RBMS3: variants seen among roughly 807,000 people sequenced by gnomAD.
RBMS3 encodes the protein RNA-binding motif, single-stranded-interacting protein 3.
In RBMS3, 27 loss-of-function variants were observed where a neutral mutation model predicts 66.8. The ratio of observed to expected loss-of-function variants is 0.40; its 90% confidence interval spans 0.30 to 0.56. The LOEUF (loss-of-function observed/expected upper bound fraction) is 0.56, where lower values mean the gene tolerates loss of function less well. Ranked by LOEUF, RBMS3 falls within the 20% of genes least tolerant of loss-of-function variation. The probability of loss-of-function intolerance (pLI) is 0.40; values close to 1 mark genes in which losing one functional copy is unlikely to be tolerated. For synonymous variants in RBMS3, 188 were observed against 183.0 expected (o/e 1.03, Z -0.22); for missense variants, 513 against 549.5 (o/e 0.93, Z 0.66).
chr3:29,969,143 T>C (rs761813107), intron 12 of RBMS3, among the ~76,000 whole-genome samples: 4 of 152,226 alleles, frequency 2.6e-5, no homozygotes, highest in African/African-American at 9.6e-5. Context: ...GAAGGTTCTA[T>C]TGGCAACTGA....
chr3:29,928,020 G>A (rs2060986504), intron 10 of RBMS3, among the ~76,000 whole-genome samples: 1 of 151,798 alleles, frequency 6.6e-6, no homozygotes. Flanking sequence ...AATAGCCATT[G>A]ACTTAACAGT....
chr3:29,407,369 G>T (rs1450208267), intron 1 of RBMS3, among the ~76,000 whole-genome samples: 2 of 152,120 alleles, frequency 1.3e-5, no homozygotes, highest in Non-Finnish European at 2.9e-5. Context: ...ACACGACCTT[G>T]GCAGTCAGTT....
At chr3:29,471,466 A>G (rs2042723252) in intron 2 of RBMS3, among the ~76,000 whole-genome samples, 1 of 152,190 alleles carries the variant, frequency 6.6e-6, no homozygotes, top group Non-Finnish European at 1.5e-5. Context: ...AGTTAAGACA[A>G]GCGAACAAGA....
chr3:29,982,025 T>G (rs1303348009), intron 12 of RBMS3, among the ~76,000 whole-genome samples: 1 of 152,220 alleles, frequency 6.6e-6, no homozygotes, highest in African/African-American at 2.4e-5. Flanking sequence ...GTACCTCTGG[T>G]AGAATTCGGC....
chr3:29,451,483 A>G (rs2042016202), intron 2 of RBMS3, among the ~76,000 whole-genome samples: 1 of 152,194 alleles, frequency 6.6e-6, no homozygotes, highest in South Asian at 2.1e-4. Context: ...CTCAACCAGC[A>G]TCTTAGTGTC....
In RBMS3 at chr3:29,664,717, G is replaced by A. The variant is rs2149235971; in HGVS notation, c.400-75003G>A. Among the ~76,000 whole-genome samples, 3 of 151,704 alleles carry A rather than the reference G, an allele frequency of 2.0e-5. No homozygotes were observed. The Middle Eastern group carries it at 0.01, about 516-fold the overall frequency. On this transcript the variant is annotated intron_variant, in intron 4 of 14. Transcript: ENST00000383767. ...GTACTTTATTTTTTTTAGAGCAATA[G>A]GTATTAAAGAAAGAAGTCTTTTGAA...
At chr3:29,541,190 A>G (rs943338298) in intron 3 of RBMS3, among the ~76,000 whole-genome samples, 3 of 152,150 alleles carry the variant, frequency 2.0e-5, no homozygotes, top group Non-Finnish European at 2.9e-5. Flanking sequence ...TCTACATGTG[A>G]AAAACTCCCA....
chr3:29,403,297 A>T (rs1263806263), intron 1 of RBMS3, among the ~76,000 whole-genome samples: 1 of 152,094 alleles, frequency 6.6e-6, no homozygotes, highest in Non-Finnish European at 1.5e-5. Context: ...ACTGTATGTA[A>T]TATAGATGGA....
chr3:29,717,707 C>A (rs999045180), intron 4 of RBMS3, among the ~76,000 whole-genome samples: 2 of 152,118 alleles, frequency 1.3e-5, no homozygotes, highest in African/African-American at 4.8e-5. Flanking sequence ...TCTTAAAATT[C>A]TCTTACTTAC....
In RBMS3 at chr3:30,007,735, GTCC is replaced by G. The variant is rs1699843353; in HGVS notation, c.*3876_*3878del. 1 of 152,004 alleles carries G rather than the reference GTCC, an allele frequency of 6.6e-6. No homozygotes were observed. The highest frequency in any genetic ancestry group is 2.1e-4 in the South Asian group (1 of 4,826). The allele number at this position is 152,004 out of a possible 1,614,324, so 9.4% of individuals were successfully genotyped here. ...AATGTCATAATACTCTTTTAAAACAGTCCTCTACCTGACTCTAGTTTTGCGAGG... is the reference window on the plus strand; with the variant it reads ...AATGTCATAATACTCTTTTAAAACAGTCTACCTGACTCTAGTTTTGCGAGG... On this transcript the variant is annotated 3_prime_UTR_variant, in exon 15 of 15. Coordinates refer to ENST00000383767, the MANE Select transcript of RBMS3 (RefSeq NM_001003793.3).
chr3:29,972,828 A>C (rs975476513), intron 12 of RBMS3, among the ~76,000 whole-genome samples: 2 of 152,070 alleles, frequency 1.3e-5, no homozygotes, highest in Non-Finnish European at 2.9e-5. Flanking sequence ...ACCAAGCCCA[A>C]TCTAATGCAT....
intron 1 of RBMS3, among the ~76,000 whole-genome samples, chr3:29,414,580 C>G (rs1356486441): frequency 1.3e-5 from 2 of 152,128 alleles, no homozygotes; most frequent in Non-Finnish European, 2.9e-5. Context: ...GTATTTGTAT[C>G]ATTGCTTGAC....
intron 1 of RBMS3, among the ~76,000 whole-genome samples, chr3:29,327,705 A>G (rs1444985448): frequency 1.3e-5 from 2 of 152,206 alleles, no homozygotes; most frequent in African/African-American, 2.4e-5. Flanking sequence ...CACATTACTG[A>G]GTGGCACATA....
chr3:29,608,115 TATA>T (rs1280156425), intron 4 of RBMS3, among the ~76,000 whole-genome samples: 1 of 151,710 alleles, frequency 6.6e-6, no homozygotes, highest in Non-Finnish European at 1.5e-5. Flanking sequence ...TATATTATTT[TATA>T]ATATTTATAG....
chr3:29,378,763 C>G (rs2038615012), intron 1 of RBMS3, among the ~76,000 whole-genome samples: 2 of 151,990 alleles, frequency 1.3e-5, no homozygotes, highest in Admixed American at 1.3e-4. Flanking sequence ...TTTGCTAAAA[C>G]AGAATTGTAT....
intron 12 of RBMS3, among the ~76,000 whole-genome samples, chr3:29,968,749 G>A (rs779343548): frequency 2.0e-5 from 3 of 152,214 alleles, no homozygotes; most frequent in Non-Finnish European, 4.4e-5. Flanking sequence ...GAGGGTCTGT[G>A]GATCCTCTCA....
At chr3:29,622,222 G>A (rs2149157274) in intron 4 of RBMS3, among the ~76,000 whole-genome samples, 1 of 152,106 alleles carries the variant, frequency 6.6e-6, no homozygotes, top group South Asian at 2.1e-4. Flanking sequence ...GCCCTTATAG[G>A]GCTTACATCT....
At chr3:29,904,145 T>C (rs1461866023) in intron 10 of RBMS3, among the ~76,000 whole-genome samples, 1 of 151,928 alleles carries the variant, frequency 6.6e-6, no homozygotes, top group Admixed American at 6.6e-5. Flanking sequence ...CTTCAAAATT[T>C]TACGGTAATT....
At chr3:29,677,981 C>A (rs796131301) in intron 4 of RBMS3, among the ~76,000 whole-genome samples, 2 of 152,088 alleles carry the variant, frequency 1.3e-5, no homozygotes, top group Non-Finnish European at 2.9e-5. Context: ...AAATAAAGAA[C>A]CTGCATGAAA....
Sources: gnomAD v4.1 joint callset for allele counts (sites outside exome capture counted in the v4.1 genomes callset) on GRCh38, gnomAD v4.1.1 for gene constraint, MANE v1.5 for transcripts, NCBI Gene and HGNC (gene_info 2026-07-23, HGNC 2026-07-21) for gene names.